RPS24: variants seen among roughly 807,000 people sequenced by gnomAD.
RPS24 encodes small ribosomal subunit protein eS24.
For missense variants in RPS24, 100 were observed against 162.5 expected, an observed-to-expected ratio of 0.62 and a Z score of 2.09; for synonymous variants, 72 against 55.6, an observed-to-expected ratio of 1.30 and a Z score of -1.31.
intron 4 of RPS24, among the ~76,000 whole-genome samples, chr10:78,047,055 G>A (rs1025132315): frequency 2.0e-5 from 3 of 151,850 alleles, no homozygotes; most frequent in Non-Finnish European, 2.9e-5. Flanking sequence ...CCGCCTCCTG[G>A]GTGCGATTCT....
intron 1 of RPS24, among the ~76,000 whole-genome samples, 198 bp from the exon 2 acceptor site, chr10:78,035,154 A>G (rs953416977): frequency 2.0e-5 from 3 of 152,190 alleles, no homozygotes; most frequent in African/African-American, 7.2e-5. Context: ...GTGTAAAACC[A>G]TTGTGTTTTC....
At chr10:78,036,198 G>A (rs116726807) in intron 3 of RPS24, 1 of 195,802 alleles carries the variant, frequency 5.1e-6, no homozygotes, top group African/African-American at 2.3e-5. Context: ...TCACCTCGAA[G>A]TGCTTGTTTT....
intron 4 of RPS24, among the ~76,000 whole-genome samples, chr10:78,045,995 C>G (rs547646257): frequency 1.3e-5 from 2 of 152,048 alleles, no homozygotes; most frequent in South Asian, 2.1e-4. Context: ...GAGCGAGGCT[C>G]TGTCTCAAAA....
intron 4 of RPS24, among the ~76,000 whole-genome samples, chr10:78,053,803 G>A (rs914930987): frequency 6.6e-6 from 1 of 152,142 alleles, no homozygotes; most frequent in Admixed American, 6.5e-5. Flanking sequence ...TGGTGCATAA[G>A]TCTCCAGGTG....
chr10:78,043,588 A>G (rs1451956586), downstream of RPS24, among the ~76,000 whole-genome samples: 1 of 140,326 alleles, frequency 7.1e-6, no homozygotes, highest in African/African-American at 3.2e-5. Context: ...CAATTTACTG[A>G]CCACCTGCTG....
At chr10:78,037,940 CTTTCTTGGA>C (rs775227862) in intron 4 of RPS24, 1 of 231,316 alleles carries the variant, frequency 4.3e-6, no homozygotes, top group South Asian at 4.3e-5. Flanking sequence ...TTCCTCTCTA[CTTTCTTGGA>C]TTTCTTGTTC....
chr10:78,044,120 G>A (rs1475032553), downstream of RPS24, among the ~76,000 whole-genome samples: 1 of 152,126 alleles, frequency 6.6e-6, no homozygotes, highest in African/African-American at 2.4e-5. Flanking sequence ...AACAAACTTG[G>A]TGTAGATAGG....
downstream of RPS24, among the ~76,000 whole-genome samples, chr10:78,045,594 G>T (rs1334927133): frequency 6.6e-6 from 1 of 152,004 alleles, no homozygotes; most frequent in African/African-American, 2.4e-5. Flanking sequence ...CGATTCTCCT[G>T]CCTCAGTCTT....
chr10:78,037,229 G>A lies in RPS24; in HGVS notation c.315G>A (p.Lys105=), dbSNP rs1422707613. 3.1e-6 allele frequency: 5 copies of A among 1,607,612 alleles called. No homozygotes were observed. The highest frequency in any genetic ancestry group is 4.2e-6 in the Non-Finnish European group (5 of 1,177,144). ...ATGAGAAGAAAAAGACCTCAAGAAA[G>A]CAACGAAAGGAACGCAAGAACAGAA... is the stretch of plus-strand genomic sequence containing the variant. ...GLYEKKKTSR[K]QRKERKNRMK... is the part of the protein sequence containing the mutation. Residue 105 remains lysine, a synonymous_variant, in exon 4 of 6, where the codon AAG becomes AAA. Coordinates refer to ENST00000372360, the MANE Select transcript of RPS24 (RefSeq NM_033022.4).
chr10:78,054,436 G>A, intron 4 of RPS24: 1 of 1,097,344 alleles, frequency 9.1e-7, no homozygotes, highest in Non-Finnish European at 1.3e-6. Context: ...CCAAGTGAGG[G>A]AGGTGCAGAA....
At chr10:78,043,921 A>G (rs568449753), downstream of RPS24, among the ~76,000 whole-genome samples, 3 of 152,088 alleles carry the variant, frequency 2.0e-5, no homozygotes, top group South Asian at 4.2e-4. Flanking sequence ...CAGAAGGTCA[A>G]TAGTAGCCTA....
chr10:78,044,305 G>T (rs1468805740), downstream of RPS24, among the ~76,000 whole-genome samples: 1 of 152,150 alleles, frequency 6.6e-6, no homozygotes, highest in Non-Finnish European at 1.5e-5. Flanking sequence ...GGAGCAGGCA[G>T]TGTGGGACAA....
downstream of RPS24, chr10:78,040,798 A>G (rs1225776156): frequency 4.7e-6 from 4 of 844,914 alleles, no homozygotes; most frequent in Non-Finnish European, 7.6e-6. Flanking sequence ...TCCATGAAGC[A>G]TTCAGTGAAA....
intron 4 of RPS24, among the ~76,000 whole-genome samples, chr10:78,049,650 C>T (rs768110478): frequency 6.6e-6 from 1 of 152,184 alleles, no homozygotes. Context: ...GGCAATGAAG[C>T]GCTTAGCATG....
intron 4 of RPS24, among the ~76,000 whole-genome samples, chr10:78,051,867 A>G (rs1395254298): frequency 6.6e-6 from 1 of 152,212 alleles, no homozygotes; most frequent in Non-Finnish European, 1.5e-5. Context: ...TTCTTTAGAA[A>G]AATGCCTGTT....
chr10:78,039,563 T>A (rs1847947184), intron 4 of RPS24: 1 of 153,054 alleles, frequency 6.5e-6, no homozygotes, highest in Non-Finnish European at 1.5e-5. Flanking sequence ...TTAGAATTGG[T>A]ATTTGTTCTT....
At chr10:78,040,491 A>G (rs1847969456) in intron 5 of RPS24, 124 bp from the exon 6 acceptor site, 3 of 814,526 alleles carry the variant, frequency 3.7e-6, no homozygotes, top group Middle Eastern at 2.5e-4. Flanking sequence ...TGATAACATC[A>G]AAATAACTTG....
chr10:78,054,674 A>T, exon 5 of RPS24: 7 of 1,551,682 alleles, frequency 4.5e-6, no homozygotes, highest in Non-Finnish European at 6.1e-6. Flanking sequence ...GCGTGTGGAC[A>T]TGTGGCAGAT....
exon 5 of RPS24, chr10:78,054,860 G>A (rs777924229): frequency 1.5e-5 from 23 of 1,550,356 alleles, no homozygotes; most frequent in East Asian, 2.4e-5. Flanking sequence ...ACGGTGACTT[G>A]GTCCTCCACT....
Sources: allele counts gnomAD v4.1 joint callset (sites outside exome capture counted in the v4.1 genomes callset), GRCh38; gene constraint gnomAD v4.1.1; transcripts MANE v1.5; gene names NCBI Gene and HGNC (gene_info 2026-07-23, HGNC 2026-07-21).